PAPPA2: variants seen among roughly 807,000 people sequenced by gnomAD.
PAPPA2 encodes the protein pappalysin 2.
PAPPA2 carries 86 observed loss-of-function variants against 176.4 expected under a neutral mutation model. That is an observed-to-expected ratio of 0.49 (90% CI 0.41 to 0.58). The LOEUF (loss-of-function observed/expected upper bound fraction) is 0.58. Ranked by LOEUF, PAPPA2 falls within the 20% of genes least tolerant of loss-of-function variation. The pLI, the probability that PAPPA2 is intolerant of heterozygous loss-of-function variation, is 0.00. For synonymous variants in PAPPA2, 809 were observed against 852.2 expected (o/e 0.95, Z 0.88); for missense variants, 2,073 against 2,256.9 (o/e 0.92, Z 1.65).
chr1:176,770,853 T>A, intron 16 of PAPPA2, 114 bp from the exon 17 acceptor site: 1 of 932,772 alleles, frequency 1.1e-6, no homozygotes, highest in African/African-American at 1.6e-5. Context: ...CAAGAAAGAA[T>A]AATATGACTT....
chr1:176,678,632 T>A (rs74370877), intron 4 of PAPPA2, among the ~76,000 whole-genome samples: 16 of 146,756 alleles, frequency 1.1e-4, no homozygotes, highest in Non-Finnish European at 1.1e-4. Context: ...TTTCAAATAT[T>A]TTTTTTTTTT....
At chr1:176,707,901 C>T (rs1248872361) in intron 10 of PAPPA2, among the ~76,000 whole-genome samples, 1 of 152,094 alleles carries the variant, frequency 6.6e-6, no homozygotes, top group African/African-American at 2.4e-5. Context: ...ATTAGGTTTC[C>T]AGACCCTTTC....
chr1:176,765,699 C>A lies in PAPPA2; in HGVS notation c.4185C>A (p.Ser1395Arg). The A allele has an allele frequency of 3.1e-6, 5 of 1,614,092 alleles. No individual in the cohort carries two copies. Among genetic ancestry groups the A allele is most frequent in the Non-Finnish European group, 4.2e-6 (5 of 1,180,004 alleles). ...CIHRPCGKQDSCPSLLLDHAD... is the reference protein window; with the variant it reads ...CIHRPCGKQDRCPSLLLDHAD... ...ATCGGCCCTGTGGGAAGCAGGACAG[C>A]TGTCCGTCATTGCTGCTTGATCATG... The change falls in exon 15 of 23, where the codon AGC (serine) becomes AGA (arginine). Residue 1395 changes from serine to arginine, a missense_variant. Transcript: ENST00000367662.
intron 1 of PAPPA2, among the ~76,000 whole-genome samples, chr1:176,518,798 A>AAAG (rs918070876): frequency 7.2e-5 from 11 of 152,186 alleles, no homozygotes; most frequent in African/African-American, 2.7e-4. Flanking sequence ...CATCTCACAA[A>AAAG]AATCTGCCTT....
chr1:176,522,647 T>C (rs1649275263), intron 1 of PAPPA2, among the ~76,000 whole-genome samples: 1 of 152,188 alleles, frequency 6.6e-6, no homozygotes, highest in African/African-American at 2.4e-5. Context: ...TCTCTCTGAG[T>C]GTTAGGCAAG....
chr1:176,837,865 C>T (rs919066812), intron 21 of PAPPA2, among the ~76,000 whole-genome samples: 1 of 152,022 alleles, frequency 6.6e-6, no homozygotes, highest in Non-Finnish European at 1.5e-5. Context: ...TTCATTGTAA[C>T]CTTGGACTCA....
chr1:176,518,451 G>GT (rs945644254), intron 1 of PAPPA2, among the ~76,000 whole-genome samples: 2 of 122,202 alleles, frequency 1.6e-5, no homozygotes, highest in African/African-American at 3.6e-5. Context: ...AGCTTGACAG[G>GT]TAAAAAAAAA....
At chr1:176,667,964 G>A (rs1415276250) in intron 3 of PAPPA2, among the ~76,000 whole-genome samples, 1 of 152,144 alleles carries the variant, frequency 6.6e-6, no homozygotes, top group African/African-American at 2.4e-5. Flanking sequence ...TGTGGCTGGA[G>A]AGCCAGCTGT....
intron 21 of PAPPA2, among the ~76,000 whole-genome samples, chr1:176,806,109 T>C (rs1665896674): frequency 6.6e-6 from 1 of 151,976 alleles, no homozygotes; most frequent in African/African-American, 2.4e-5. Flanking sequence ...GGGCTACCAA[T>C]GCAACTTATA....
intron 14 of PAPPA2, among the ~76,000 whole-genome samples, chr1:176,755,157 G>C (rs1017524823): frequency 1.3e-5 from 2 of 152,144 alleles, no homozygotes; most frequent in Non-Finnish European, 2.9e-5. Flanking sequence ...TCTAGGATTA[G>C]AAGATGACAG....
intron 12 of PAPPA2, among the ~76,000 whole-genome samples, chr1:176,721,238 G>A (rs549483564): frequency 3.3e-5 from 5 of 152,270 alleles, no homozygotes; most frequent in African/African-American, 4.8e-5. Flanking sequence ...CTAACTTGTT[G>A]AGAGTCTGGT....
intron 4 of PAPPA2, among the ~76,000 whole-genome samples, chr1:176,677,949 G>A (rs913296618): frequency 6.6e-6 from 1 of 152,178 alleles, no homozygotes; most frequent in African/African-American, 2.4e-5. Context: ...CTATGTGATG[G>A]CAACATACAT....
intron 3 of PAPPA2, among the ~76,000 whole-genome samples, chr1:176,640,048 T>C (rs1356781023): frequency 6.6e-6 from 1 of 151,804 alleles, no homozygotes; most frequent in Non-Finnish European, 1.5e-5. Context: ...GCCTATATTA[T>C]CTCAGGTTAT....
In PAPPA2 at chr1:176,595,139, A is replaced by G; in HGVS notation, c.1535A>G (p.Gln512Arg). ...TVCDNVELISQYNGYWPLRGE... is the reference protein window; with the variant it reads ...TVCDNVELISRYNGYWPLRGE... ...TGTGACAATGTGGAATTGATCTCCC[A>G]GTACAATGGATACTGGCCCCTTCGG... Residue 512 changes from glutamine (Q) to arginine (R), a missense_variant, in exon 3 of 23, where the codon CAG (glutamine) becomes CGG (arginine). By Grantham distance (43) the Gln-to-Arg change is conservative. Around this residue, in one of 4 missense-constraint regions of PAPPA2, gnomAD observed 1,196 missense variants for 1,330.4 expected, o/e 0.90. Coordinates refer to ENST00000367662, the MANE Select transcript of PAPPA2 (RefSeq NM_020318.3). 6.2e-7 allele frequency: 1 copy of G among 1,614,226 alleles called. No individual in the cohort carries two copies.
intron 1 of PAPPA2, among the ~76,000 whole-genome samples, chr1:176,477,782 A>G (rs990389000): frequency 1.4e-4 from 6 of 43,194 alleles, no homozygotes; most frequent in African/African-American, 3.1e-4. Flanking sequence ...AAAATAAATA[A>G]AATAAAATAA....
intron 12 of PAPPA2, among the ~76,000 whole-genome samples, chr1:176,732,509 C>G (rs1217886780): frequency 6.6e-6 from 1 of 152,102 alleles, no homozygotes; most frequent in East Asian, 1.9e-4. Flanking sequence ...AGATAATAAG[C>G]AAATATGGTG....
chr1:176,727,765 C>T (rs1661951976), intron 12 of PAPPA2, among the ~76,000 whole-genome samples: 2 of 151,972 alleles, frequency 1.3e-5, no homozygotes, highest in African/African-American at 4.8e-5. Flanking sequence ...GTAGAATGCT[C>T]ATGGTACTTC....
At chr1:176,637,742 A>G (rs1168361145) in intron 3 of PAPPA2, among the ~76,000 whole-genome samples, 1 of 152,170 alleles carries the variant, frequency 6.6e-6, no homozygotes, top group Non-Finnish European at 1.5e-5. Flanking sequence ...TTGGTAGACA[A>G]CACTGGCTCT....
chr1:176,566,796 A>C (rs1183733446), intron 2 of PAPPA2, among the ~76,000 whole-genome samples: 3 of 152,046 alleles, frequency 2.0e-5, no homozygotes, highest in Non-Finnish European at 2.9e-5. Flanking sequence ...TTCACTCAGA[A>C]TGTGTGTGCC....
Sources: allele counts gnomAD v4.1 joint callset (sites outside exome capture counted in the v4.1 genomes callset), GRCh38; gene constraint gnomAD v4.1.1; regional missense constraint gnomAD v4.1.1; transcripts MANE v1.5; gene names NCBI Gene and HGNC (gene_info 2026-07-23, HGNC 2026-07-21).